The following MSI2 variants were observed in gnomAD, a reference collection of about 807,000 sequenced individuals.
The protein encoded by MSI2 is musashi RNA binding protein 2.
In MSI2, 17 loss-of-function variants were observed where a neutral mutation model predicts 45.6. The observed-to-expected ratio is 0.37, with a 90% confidence interval of 0.26 to 0.56. The LOEUF (loss-of-function observed/expected upper bound fraction) is 0.56. MSI2 is among the 20% of genes least tolerant of loss of function. The pLI is 0.77. For synonymous variants in MSI2, 156 were observed against 158.2 expected (o/e 0.99, Z 0.11); for missense variants, 293 against 444.2 (o/e 0.66, Z 3.06).
intron 5 of MSI2, among the ~76,000 whole-genome samples, chr17:57,275,422 G>A (rs1003309240): frequency 1.2e-4 from 18 of 152,208 alleles, no homozygotes; most frequent in African/African-American, 1.9e-4. Context: ...CTTTTGCTTG[G>A]GGATATGGAA....
chr17:57,388,815 G>A (rs2083730892), intron 5 of MSI2, among the ~76,000 whole-genome samples: 1 of 150,382 alleles, frequency 6.6e-6, no homozygotes, highest in Non-Finnish European at 1.5e-5. Flanking sequence ...CACCACACCT[G>A]GCTAATTTTT....
intron 6 of MSI2, among the ~76,000 whole-genome samples, chr17:57,506,474 A>G (rs890062092): frequency 2.0e-5 from 3 of 152,246 alleles, no homozygotes; most frequent in African/African-American, 7.2e-5. Context: ...GTGGATAAAC[A>G]TCGCTTCTTT....
rs370502989 is a variant in MSI2, at chr17:57,566,897, G to T, written c.455-29971G>T. On this transcript the variant is annotated intron_variant, in intron 7 of 13. Transcript: ENST00000284073. ...GCCTGCCTGTGAAGCAGCAGTGCCC[G>T]CTGGGGAGGTGGCAGGATTTAATAG... Among the ~76,000 whole-genome samples, 7 of 152,178 alleles carry T rather than the reference G, an allele frequency of 4.6e-5. No homozygotes were observed. The East Asian group carries it at 7.7e-4, about 17-fold the overall frequency.
At chr17:57,457,178 T>C (rs570929188) in intron 6 of MSI2, among the ~76,000 whole-genome samples, 11 of 152,328 alleles carry the variant, frequency 7.2e-5, no homozygotes, top group Non-Finnish European at 1.5e-4. Context: ...TCCTATCACT[T>C]CACAGCTGGG....
chr17:57,463,551 C>T (rs969565107), intron 6 of MSI2, among the ~76,000 whole-genome samples: 11 of 152,208 alleles, frequency 7.2e-5, no homozygotes, highest in South Asian at 2.1e-4. Flanking sequence ...CCCAACAGCC[C>T]GGGGCTTCTT....
At chr17:57,405,117 G>A (rs2084059041) in intron 6 of MSI2, among the ~76,000 whole-genome samples, 1 of 152,082 alleles carries the variant, frequency 6.6e-6, no homozygotes. Flanking sequence ...TTCATGCTGG[G>A]CCTAACAGTG....
Position 57,682,317 on chromosome 17 carries a change from T to TC in MSI2, c.*2812dup, listed in dbSNP as rs397856811. 0.23 allele frequency: 27,037 copies of TC among 119,802 alleles called. 3,646 individuals carry two copies. Among genetic ancestry groups the TC allele is most frequent in the East Asian group, 0.32 (1,784 of 5,538 alleles). 7.4% of individuals were successfully genotyped at this position (119,802 alleles called of 1,614,324 possible). A position where few individuals can be genotyped will look rare whatever the true frequency, so the allele number is the denominator to read the frequency against. On this transcript the variant is annotated 3_prime_UTR_variant, in exon 14 of 14. Coordinates refer to ENST00000284073, the MANE Select transcript of MSI2 (RefSeq NM_138962.4). ...GGCGGACTCTACGGCGTTTTGTAGATCCCCCCCCCCCCACCCACTGTGAAG... is the reference window on the plus strand; with the variant it reads ...GGCGGACTCTACGGCGTTTTGTAGATCCCCCCCCCCCCCACCCACTGTGAAG...
chr17:57,664,165 C>T (rs927800250), intron 11 of MSI2, among the ~76,000 whole-genome samples: 2 of 152,132 alleles, frequency 1.3e-5, no homozygotes, highest in Admixed American at 1.3e-4. Context: ...CTGCTGTTTC[C>T]AAAGCTGGAA....
intron 5 of MSI2, among the ~76,000 whole-genome samples, chr17:57,297,948 A>G (rs964530137): frequency 1.3e-5 from 2 of 152,062 alleles, no homozygotes; most frequent in African/African-American, 4.8e-5. Flanking sequence ...TTTCCACCAC[A>G]TCTGCAGTTA....
At chr17:57,402,492 C>A (rs927360612) in intron 6 of MSI2, among the ~76,000 whole-genome samples, 31 of 152,298 alleles carry the variant, frequency 2.0e-4, no homozygotes, top group African/African-American at 7.2e-4. Flanking sequence ...TCACTTGTTT[C>A]CTCCCACGAT....
chr17:57,380,239 C>G (rs991622439), intron 5 of MSI2, among the ~76,000 whole-genome samples: 1 of 152,170 alleles, frequency 6.6e-6, no homozygotes, highest in African/African-American at 2.4e-5. Flanking sequence ...TGCCCTGCAT[C>G]TTAAGCACCT....
intron 5 of MSI2, among the ~76,000 whole-genome samples, chr17:57,310,337 T>C (rs1912285003): frequency 7.0e-6 from 1 of 142,572 alleles, no homozygotes; most frequent in African/African-American, 2.8e-5. Flanking sequence ...GTTGTGTTAT[T>C]TTTTTTTTTT....
At chr17:57,364,141 G>C (rs190627023) in intron 5 of MSI2, among the ~76,000 whole-genome samples, 11 of 152,250 alleles carry the variant, frequency 7.2e-5, no homozygotes, top group Non-Finnish European at 1.5e-4. Flanking sequence ...GTAACCGTCT[G>C]GGATTCTGTT....
At chr17:57,535,690 T>C (rs925621027) in intron 7 of MSI2, among the ~76,000 whole-genome samples, 8 of 152,270 alleles carry the variant, frequency 5.3e-5, no homozygotes, top group Non-Finnish European at 1.0e-4. Context: ...AGAGGGTCCT[T>C]TCCCAGAGTG....
intron 5 of MSI2, among the ~76,000 whole-genome samples, chr17:57,397,850 G>A (rs547892917): frequency 1.3e-5 from 2 of 152,298 alleles, no homozygotes; most frequent in African/African-American, 2.4e-5. Context: ...GCCTTTTCAC[G>A]TTTGGAAGGT....
intron 6 of MSI2, among the ~76,000 whole-genome samples, chr17:57,404,664 G>T (rs1014858803): frequency 6.6e-6 from 1 of 151,986 alleles, no homozygotes; most frequent in Non-Finnish European, 1.5e-5. Flanking sequence ...ATCCCATCCT[G>T]CCCGAGGTGG....
chr17:57,431,353 G>A (rs2084590579), intron 6 of MSI2, among the ~76,000 whole-genome samples: 1 of 152,240 alleles, frequency 6.6e-6, no homozygotes. Context: ...CGAACTGGCA[G>A]CACAGCCAGG....
At chr17:57,650,248 A>G (rs759784448) in intron 10 of MSI2, among the ~76,000 whole-genome samples, 20 of 150,310 alleles carry the variant, frequency 1.3e-4, no homozygotes, top group Non-Finnish European at 2.5e-4. Flanking sequence ...CCGTGCTTCC[A>G]AGGAAACCCG....
chr17:57,358,876 A>G (rs1916629502), intron 5 of MSI2, among the ~76,000 whole-genome samples: 1 of 152,058 alleles, frequency 6.6e-6, no homozygotes, highest in African/African-American at 2.4e-5. Context: ...AGCCCTAGCA[A>G]CGTATCATCT....
Sources: allele counts gnomAD v4.1 joint callset (sites outside exome capture counted in the v4.1 genomes callset), GRCh38; gene constraint gnomAD v4.1.1; transcripts MANE v1.5; gene names NCBI Gene and HGNC (gene_info 2026-07-23, HGNC 2026-07-21).